GOSR1: variants seen among roughly 807,000 people sequenced by gnomAD.
GOSR1 encodes the protein golgi SNAP receptor complex member 1.
GOSR1 carries 21 observed loss-of-function variants against 35.5 expected under a neutral mutation model. That is an observed-to-expected ratio of 0.59 (90% CI 0.42 to 0.85). GOSR1 has a LOEUF of 0.85. GOSR1 is among the 40% of genes least tolerant of loss of function. The pLI is 0.00. For missense variants in GOSR1, 285 were observed against 309.6 expected, an observed-to-expected ratio of 0.92 and a Z score of 0.60; for synonymous variants, 94 against 106.6, an observed-to-expected ratio of 0.88 and a Z score of 0.73.
intron 7 of GOSR1, among the ~76,000 whole-genome samples, chr17:30,519,175 C>T (rs1324357053): frequency 6.6e-6 from 1 of 152,142 alleles, no homozygotes; most frequent in African/African-American, 2.4e-5. Flanking sequence ...ATCCTCTCAC[C>T]TCAGCCTCCC....
intron 7 of GOSR1, among the ~76,000 whole-genome samples, chr17:30,517,660 T>C (rs189339487): frequency 2.0e-5 from 3 of 152,254 alleles, no homozygotes; most frequent in East Asian, 1.9e-4. Flanking sequence ...TCAACAAATA[T>C]TCTTTTACAG....
At chr17:30,519,070 C>A (rs547353606) in intron 7 of GOSR1, among the ~76,000 whole-genome samples, 4 of 151,664 alleles carry the variant, frequency 2.6e-5, no homozygotes, top group South Asian at 4.2e-4. Context: ...TTAATCTTTT[C>A]TTTTTTTTGA....
chr17:30,484,423 T>A, intron 3 of GOSR1, 122 bp downstream of exon 3: 1 of 709,502 alleles, frequency 1.4e-6, no homozygotes, highest in Non-Finnish European at 2.6e-6. Context: ...TATGTGTACC[T>A]CCCCACACCA....
chr17:30,497,889 C>A (rs1373843929), intron 6 of GOSR1, among the ~76,000 whole-genome samples: 1 of 152,126 alleles, frequency 6.6e-6, no homozygotes, highest in Non-Finnish European at 1.5e-5. Flanking sequence ...GAAACCCCAT[C>A]TCTACCAAAA....
At chr17:30,521,329 C>T (rs915335086) in intron 8 of GOSR1, among the ~76,000 whole-genome samples, 3 of 151,818 alleles carry the variant, frequency 2.0e-5, no homozygotes, top group Non-Finnish European at 4.4e-5. Context: ...ACTACAGACA[C>T]GTGCCACCAT....
chr17:30,512,662 T>A (rs764649408), intron 7 of GOSR1, among the ~76,000 whole-genome samples: 22 of 152,220 alleles, frequency 1.4e-4, no homozygotes, highest in Non-Finnish European at 2.9e-4. Context: ...AGAATTTCCT[T>A]ATGTTGACTG....
At chr17:30,480,947 G>C (rs983108165) in intron 1 of GOSR1, 196 bp from the exon 2 acceptor site, 3 of 433,188 alleles carry the variant, frequency 6.9e-6, no homozygotes, top group Non-Finnish European at 1.3e-5. Context: ...CCCGACCTCA[G>C]GTGATCCGCC....
At chr17:30,485,475 C>T (rs1318563635) in intron 4 of GOSR1, among the ~76,000 whole-genome samples, 1 of 151,952 alleles carries the variant, frequency 6.6e-6, no homozygotes, top group Non-Finnish European at 1.5e-5. Flanking sequence ...TGCCATGTTT[C>T]CCAGGCTGGT....
At chr17:30,516,189 A>T (rs1008459248) in intron 7 of GOSR1, among the ~76,000 whole-genome samples, 2 of 152,176 alleles carry the variant, frequency 1.3e-5, no homozygotes, top group African/African-American at 4.8e-5. Flanking sequence ...AGAAAAAGTC[A>T]GCCGGGCGCG....
intron 6 of GOSR1, among the ~76,000 whole-genome samples, chr17:30,505,028 T>A (rs1046493402): frequency 1.6e-4 from 25 of 152,202 alleles, no homozygotes; most frequent in African/African-American, 6.0e-4. Context: ...GCTGATACAT[T>A]GAGTTTATTT....
Position 30,481,217 on chromosome 17 carries a change from A to G in GOSR1, c.106A>G (p.Ser36Gly). The G allele has an allele frequency of 6.2e-7, 1 of 1,605,708 alleles. No individual in the cohort carries two copies. The highest frequency in any genetic ancestry group is 8.5e-7 in the Non-Finnish European group (1 of 1,172,346). ...KLVSFSKLCTSYSHSSTRDGR... is the reference protein window; with the variant it reads ...KLVSFSKLCTGYSHSSTRDGR... ...AGTTTCCTTCAGCAAACTATGTACAAGTTACAGTCATAGCAGTACCCGAGA... is the reference window on the plus strand; with the variant it reads ...AGTTTCCTTCAGCAAACTATGTACAGGTTACAGTCATAGCAGTACCCGAGA... Residue 36 changes from serine (S) to glycine (G), a missense_variant, in exon 2 of 9, where the codon AGT (serine) becomes GGT (glycine). By Grantham distance (56) the Ser-to-Gly change is moderately conservative (BLOSUM62 0). Transcript: ENST00000451249.
chr17:30,477,427 G>C lies in GOSR1; in HGVS notation c.-7G>C. 6.2e-7 allele frequency: 1 copy of C among 1,609,214 alleles called. No individual in the cohort carries two copies. The highest frequency in any genetic ancestry group is 2.2e-5 in the East Asian group (1 of 44,538). ...TCCCCTATCCCGGCTGACGTTGGAC[G>C]ACAAAGATGGCGGCAGGGACCAGCA... is the stretch of plus-strand genomic sequence containing the variant. On this transcript the variant is annotated 5_prime_UTR_variant, in exon 1 of 9. Coordinates refer to ENST00000451249, the MANE Select transcript of GOSR1 (RefSeq NM_001007025.2).
intron 6 of GOSR1, among the ~76,000 whole-genome samples, chr17:30,499,219 G>A (rs1016108898): frequency 2.6e-5 from 4 of 151,984 alleles, no homozygotes; most frequent in Admixed American, 1.3e-4. Flanking sequence ...GATATACCAC[G>A]ATTTCTTTAT....
rs1914330346 is a variant in GOSR1 at position 30,481,258 on chromosome 17, G to T, written c.146+1G>T. The T allele has an allele frequency of 6.2e-7, 1 of 1,606,112 alleles. No homozygotes were observed. The highest frequency in any genetic ancestry group is 1.1e-5 in the South Asian group (1 of 90,862). On this transcript the variant is annotated splice_donor_variant, in intron 2 of 8. Transcript: ENST00000451249. LOFTEE classifies it high-confidence loss of function. ...GTACCCGAGATGGAAGACGCGACAG[G>T]TATAGGTACTACCAGATTCTGTCTC...
Position 30,492,696 on chromosome 17 carries a change from C to G in GOSR1, c.452C>G (p.Ser151Cys). The change falls in exon 6 of 9, where the codon TCT (serine) becomes TGT (cysteine). Residue 151 changes from serine (S) to cysteine (C), a missense_variant. By Grantham distance (112) the Ser-to-Cys change is moderately radical (BLOSUM62 -1). Coordinates refer to ENST00000451249, the MANE Select transcript of GOSR1 (RefSeq NM_001007025.2). ...TGTCCCAGGTCATATAAAAGTGGGT[C>G]TGGAGTAAACAACAGAAGAACTGAG... ...RKDIESYKSG[S>C]GVNNRRTELF... 1 of 1,597,622 alleles carries G rather than the reference C, an allele frequency of 6.3e-7. No homozygotes were observed. The highest frequency in any genetic ancestry group is 8.6e-7 in the Non-Finnish European group (1 of 1,166,042).
At chr17:30,497,407 A>T (rs1967041299) in intron 6 of GOSR1, among the ~76,000 whole-genome samples, 1 of 152,168 alleles carries the variant, frequency 6.6e-6, no homozygotes, top group Non-Finnish European at 1.5e-5. Context: ...GAAGCCAGAG[A>T]GTCCTGGGTT....
chr17:30,501,072 G>A (rs564001423), intron 6 of GOSR1, among the ~76,000 whole-genome samples: 1 of 151,960 alleles, frequency 6.6e-6, no homozygotes, highest in Admixed American at 6.6e-5. Context: ...AGTAGAGACG[G>A]GGTTTCACCG....
Position 30,520,041 on chromosome 17 carries a change from G to A in GOSR1, c.622+20G>A, listed in dbSNP as rs371676250. Reference sequence around the variant, plus strand: ...TGGCCAGTATCCTTTTTGAATGTTCGCAGTCTGTGTTTTGAGGGTAGAGGG... The same window carrying A: ...TGGCCAGTATCCTTTTTGAATGTTCACAGTCTGTGTTTTGAGGGTAGAGGG... On this transcript the variant is annotated intron_variant, in intron 8 of 8. Coordinates refer to ENST00000451249, the MANE Select transcript of GOSR1 (RefSeq NM_001007025.2). 1.6e-5 allele frequency: 24 copies of A among 1,499,942 alleles called. No homozygotes were observed. The highest frequency in any genetic ancestry group is 5.0e-5 in the Admixed American group (3 of 59,602). 92.9% of individuals were successfully genotyped at this position (1,499,942 alleles called of 1,614,324 possible).
Position 30,484,253 on chromosome 17 carries a change from C to T in GOSR1, c.186C>T (p.Asp62=). Residue 62 remains aspartate, a synonymous_variant, in exon 3 of 9, where the codon GAC becomes GAT. Transcript: ENST00000451249. ...TTPLLNGSSQ[D]RMFETMAIEI... is the part of the protein sequence containing the mutation. ...CCCTTTTAAATGGATCAAGCCAAGA[C>T]AGAATGTTTGAGACAATGGCGATTG... The T allele has an allele frequency of 1.9e-6, 3 of 1,612,018 alleles. No homozygotes were observed. The highest frequency in any genetic ancestry group is 2.5e-6 in the Non-Finnish European group (3 of 1,178,178).
Sources: gnomAD v4.1 joint callset for allele counts (sites outside exome capture counted in the v4.1 genomes callset) on GRCh38, gnomAD v4.1.1 for gene constraint, MANE v1.5 for transcripts, NCBI Gene and HGNC (gene_info 2026-07-23, HGNC 2026-07-21) for gene names.